The following CLCA2 variants were observed in gnomAD, a reference collection of about 807,000 sequenced individuals.
CLCA2 encodes chloride channel accessory 2.
In CLCA2, 85 loss-of-function variants were observed where a neutral mutation model predicts 82.9. The ratio of observed to expected loss-of-function variants is 1.03; its 90% CI spans 0.86 to 1.23. The LOEUF is 1.23. CLCA2 is among the 50% of genes most tolerant of loss of function. The pLI, the probability that CLCA2 is intolerant of heterozygous loss-of-function variation, is 0.00. For synonymous variants in CLCA2, 421 were observed against 391.7 expected, an observed-to-expected ratio of 1.07 and a Z score of -0.88; for missense variants, 1,089 against 1,124.8, an observed-to-expected ratio of 0.97 and a Z score of 0.45.
At chr1:86,429,339 C>T (rs938543394) in intron 3 of CLCA2, among the ~76,000 whole-genome samples, 1 of 152,054 alleles carries the variant, frequency 6.6e-6, no homozygotes, top group Non-Finnish European at 1.5e-5. Flanking sequence ...GAGAAATACT[C>T]CAGAGATAAA....
intron 5 of CLCA2, among the ~76,000 whole-genome samples, 161 bp from the exon 6 acceptor site, chr1:86,434,357 A>G (rs1375201245): frequency 6.6e-6 from 1 of 152,226 alleles, no homozygotes; most frequent in Non-Finnish European, 1.5e-5. Flanking sequence ...TTTATTTGTA[A>G]TTTGATGTCA....
intron 11 of CLCA2, among the ~76,000 whole-genome samples, chr1:86,450,014 A>G (rs1662931136): frequency 1.3e-5 from 2 of 152,212 alleles, no homozygotes; most frequent in Admixed American, 1.3e-4. Flanking sequence ...TAGAATCTAG[A>G]AAAACAGTTC....
rs780494265 is a variant in CLCA2 at position 86,447,686 on chromosome 1, G to T, written c.1892G>T (p.Gly631Val). 4.3e-5 allele frequency: 69 copies of T among 1,613,954 alleles called. No individual in the cohort carries two copies. Among genetic ancestry groups the T allele is most frequent in the Non-Finnish European group, 5.7e-5 (67 of 1,180,012 alleles). ...PVMIYANVKQ[G>V]FYPILNATVT... ...ATGATTTATGCCAATGTGAAACAGG[G>T]ATTTTATCCCATTCTTAATGCCACT... Residue 631 changes from glycine to valine, a missense_variant, in exon 11 of 14, where the codon GGA becomes GTA. Physicochemically the swap from Gly to Val is moderately radical, Grantham distance 109 (BLOSUM62 -3). Transcript: ENST00000370565.
At chr1:86,435,567 T>C (rs1447325518) in intron 6 of CLCA2, among the ~76,000 whole-genome samples, 2 of 152,212 alleles carry the variant, frequency 1.3e-5, no homozygotes, top group Non-Finnish European at 2.9e-5. Context: ...CAGGCAGCTG[T>C]GTTTTAATCC....
Position 86,450,325 on chromosome 1 carries a change from A to G in CLCA2, c.1985-238A>G, listed in dbSNP as rs1662936042. 3.3e-5 allele frequency among the ~76,000 whole-genome samples: 5 copies of G among 152,212 alleles called. No homozygotes were observed. The South Asian group carries it at 1.0e-3, about 31-fold the overall frequency. On this transcript the variant is annotated intron_variant, in intron 11 of 13. Transcript: ENST00000370565. ...GTTAAAGGTGATGATTAAATGTTTT[A>G]TTAGCATGGTACAACTTATTCACCT...
Position 86,424,427 on chromosome 1 carries a change from C to T in CLCA2, c.180C>T (p.Asn60=), listed in dbSNP as rs181193616. The T allele has an allele frequency of 6.2e-6, 10 of 1,606,438 alleles. No homozygotes were observed. Among genetic ancestry groups the T allele is most frequent in the East Asian group, 4.5e-5 (2 of 44,730 alleles). Residue 60 remains asparagine (N), a synonymous_variant, in exon 1 of 14, where the codon AAC becomes AAT. Transcript: ENST00000370565. ...QVPENQNLIS[N]IKEMITEASF... is the part of the protein sequence containing the mutation. ...CTGAGAATCAGAACCTCATCTCAAA[C>T]ATTAAGGTGAGTGGAAATTATGAAA...
rs571645881 is a variant in CLCA2, at chr1:86,456,230, T to A, written c.*703T>A. 2.0e-5 allele frequency: 3 copies of A among 152,370 alleles called. No homozygotes were observed. The South Asian group carries it at 6.2e-4, about 32-fold the overall frequency. The allele number at this position is 152,370 out of a possible 1,614,324, so 9.4% of individuals were successfully genotyped here. A position where few individuals can be genotyped will look rare whatever the true frequency, so the allele number is the denominator to read the frequency against. On this transcript the variant is annotated 3_prime_UTR_variant, in exon 14 of 14. Coordinates refer to ENST00000370565, the MANE Select transcript of CLCA2 (RefSeq NM_006536.7). ...CCTTGGTTATTATGGATGATAGTTA[T>A]AGCCCTTATAATGCCTTAACTAAGG...
At chr1:86,429,271 C>T (rs919808911) in intron 3 of CLCA2, among the ~76,000 whole-genome samples, 1 of 152,112 alleles carries the variant, frequency 6.6e-6, no homozygotes, top group Non-Finnish European at 1.5e-5. Context: ...ATGCGCTAGC[C>T]GCTCTGTGGT....
chr1:86,455,253 A>G lies in CLCA2; in HGVS notation c.2558A>G (p.Asn853Ser). 6.2e-7 allele frequency: 1 copy of G among 1,614,168 alleles called. No individual in the cohort carries two copies. Among genetic ancestry groups the G allele is most frequent in the Non-Finnish European group, 8.5e-7 (1 of 1,180,018 alleles). Residue 853 changes from asparagine (N) to serine (S), a missense_variant, in exon 14 of 14, where the codon AAT (asparagine) becomes AGT (serine). Coordinates refer to ENST00000370565, the MANE Select transcript of CLCA2 (RefSeq NM_006536.7). ...ISTNGPEHQP[N>S]GETHESHRIY... is the part of the protein sequence containing the mutation. Reference sequence around the variant, plus strand: ...ACGAATGGACCTGAACATCAGCCAAATGGAGAAACACATGAAAGCCACAGA... The same window carrying G: ...ACGAATGGACCTGAACATCAGCCAAGTGGAGAAACACATGAAAGCCACAGA...
At chr1:86,444,360 A>G (rs1205321933) in intron 10 of CLCA2, among the ~76,000 whole-genome samples, 1 of 152,204 alleles carries the variant, frequency 6.6e-6, no homozygotes, top group Non-Finnish European at 1.5e-5. Context: ...TATAATATGA[A>G]TACATGCAAT....
intron 1 of CLCA2, among the ~76,000 whole-genome samples, chr1:86,424,659 T>C (rs1317241823): frequency 2.6e-5 from 4 of 152,328 alleles, no homozygotes; most frequent in South Asian, 4.1e-4. Context: ...TATTTTGTTA[T>C]TGTTGGTTGC....
chr1:86,444,459 A>G lies in CLCA2; in HGVS notation c.1713+448A>G, dbSNP rs555975076. ...GCCATGGTAAGAGCATGAACAGGGT[A>G]CTATCAGAACATACAAGAGGGTGGA... On this transcript the variant is annotated intron_variant, in intron 10 of 13. Transcript: ENST00000370565. 5.9e-5 allele frequency among the ~76,000 whole-genome samples: 9 copies of G among 152,316 alleles called. No individual in the cohort carries two copies. In the East Asian group the frequency reaches 1.7e-3, roughly 29 times the overall value.
At chr1:86,433,207 C>T (rs1363869026) in intron 5 of CLCA2, among the ~76,000 whole-genome samples, 1 of 152,130 alleles carries the variant, frequency 6.6e-6, no homozygotes, top group African/African-American at 2.4e-5. Context: ...GAATCAGAAA[C>T]GAGGGAGTTA....
intron 9 of CLCA2, 49 bp from the exon 10 acceptor site, chr1:86,443,738 A>G (rs1486389178): frequency 7.6e-7 from 1 of 1,309,746 alleles, no homozygotes; most frequent in Non-Finnish European, 1.1e-6. Flanking sequence ...AAAAGATGGA[A>G]TGATTATGCA....
rs1663048942 is a variant in CLCA2 at position 86,455,137 on chromosome 1, C to A, written c.2442C>A (p.Asp814Glu). The change falls in exon 14 of 14, where the codon GAC (aspartate) becomes GAA (glutamate). Residue 814 changes from aspartate (D) to glutamate (E), a missense_variant. Transcript: ENST00000370565. ...MSKSLQNIQD[D>E]FNNAILVNTS... ...AAAGTCTACAGAATATCCAAGATGA[C>A]TTTAACAATGCTATTTTAGTAAATA... 1 of 1,608,992 alleles carries A rather than the reference C, an allele frequency of 6.2e-7. No individual in the cohort carries two copies. Among genetic ancestry groups the A allele is most frequent in the Non-Finnish European group, 8.5e-7 (1 of 1,176,652 alleles).
rs1663070845 is a variant in CLCA2 at position 86,456,003 on chromosome 1, C to A, written c.*476C>A. The A allele has an allele frequency of 6.6e-6, 1 of 152,234 alleles. No individual in the cohort carries two copies. Among genetic ancestry groups the A allele is most frequent in the Non-Finnish European group, 1.5e-5 (1 of 68,046 alleles). 9.4% of individuals were successfully genotyped at this position (152,234 alleles called of 1,614,324 possible). On this transcript the variant is annotated 3_prime_UTR_variant, in exon 14 of 14. Coordinates refer to ENST00000370565, the MANE Select transcript of CLCA2 (RefSeq NM_006536.7). ...TATATGAAGCCCCTAATGCAAAGCTCTTTACCTCTTGCTATTTTGTTATAT... is the reference window on the plus strand; with the variant it reads ...TATATGAAGCCCCTAATGCAAAGCTATTTACCTCTTGCTATTTTGTTATAT...
At chr1:86,449,376 G>A (rs1294919565) in intron 11 of CLCA2, among the ~76,000 whole-genome samples, 5 of 152,172 alleles carry the variant, frequency 3.3e-5, no homozygotes, top group Non-Finnish European at 7.3e-5. Context: ...TGTCTCCCAA[G>A]CCAATGTTCT....
In CLCA2 at chr1:86,455,147, G is replaced by C; in HGVS notation, c.2452G>C (p.Ala818Pro). The change falls in exon 14 of 14, where the codon GCT becomes CCT. Residue 818 changes from alanine to proline, a missense_variant. By Grantham distance (27) the Ala-to-Pro change is conservative (BLOSUM62 -1). Coordinates refer to ENST00000370565, the MANE Select transcript of CLCA2 (RefSeq NM_006536.7). Reference protein sequence around the residue: ...LQNIQDDFNNAILVNTSKRNP... With the variant: ...LQNIQDDFNNPILVNTSKRNP... ...GAATATCCAAGATGACTTTAACAAT[G>C]CTATTTTAGTAAATACATCAAAGCG... is the stretch of plus-strand genomic sequence containing the variant. 1 of 1,610,714 alleles carries C rather than the reference G, an allele frequency of 6.2e-7. No individual in the cohort carries two copies. The highest frequency in any genetic ancestry group is 1.1e-5 in the South Asian group (1 of 90,750).
chr1:86,426,914 G>T (rs540854442), intron 2 of CLCA2, among the ~76,000 whole-genome samples: 1 of 152,260 alleles, frequency 6.6e-6, no homozygotes, highest in South Asian at 2.1e-4. Context: ...GGAGGGGAGA[G>T]AAATAAGTAA....
Sources: allele counts gnomAD v4.1 joint callset (sites outside exome capture counted in the v4.1 genomes callset), GRCh38; gene constraint gnomAD v4.1.1; transcripts MANE v1.5; gene names NCBI Gene and HGNC (gene_info 2026-07-23, HGNC 2026-07-21).